The following KCNH8 variants were observed in gnomAD, a reference collection of about 807,000 sequenced individuals.
KCNH8 encodes the protein potassium voltage-gated channel subfamily H member 8.
Under a neutral mutation model 103.6 loss-of-function variants are expected in KCNH8, and 70 were observed. The observed-to-expected ratio is 0.68, with a 90% CI of 0.56 to 0.82. The LOEUF is 0.82. Among genes scored for constraint, KCNH8 ranks in the 40% least tolerant of loss-of-function variants. The probability of loss-of-function intolerance (pLI) is 0.00; values close to 1 mark genes in which losing one functional copy is unlikely to be tolerated. For synonymous variants in KCNH8, 498 were observed against 489.4 expected, an observed-to-expected ratio of 1.02 and a Z score of -0.23; for missense variants, 1,217 against 1,329.9, an observed-to-expected ratio of 0.92 and a Z score of 1.32.
chr3:19,332,896 G>T (rs528798316), intron 3 of KCNH8, among the ~76,000 whole-genome samples: 4 of 152,288 alleles, frequency 2.6e-5, no homozygotes, highest in African/African-American at 7.2e-5. Context: ...GCCTCCCAAA[G>T]TGCTGGGATT....
In KCNH8 at chr3:19,266,922, C is replaced by A. The variant is rs1354080519; in HGVS notation, c.310+13035C>A. ...TTTTCTCTCCTTAGAGAACATATTT[C>A]AATTCTCTGTCTTACACAGAGAGAG... On this transcript the variant is annotated intron_variant, in intron 2 of 15. Coordinates refer to ENST00000328405, the MANE Select transcript of KCNH8 (RefSeq NM_144633.3). Among the ~76,000 whole-genome samples, 3 of 152,024 alleles carry A rather than the reference C, an allele frequency of 2.0e-5. No homozygotes were observed. The East Asian group carries it at 5.8e-4, about 29-fold the overall frequency.
chr3:19,192,909 G>A (rs547846231), intron 1 of KCNH8, among the ~76,000 whole-genome samples: 1 of 151,652 alleles, frequency 6.6e-6, no homozygotes, highest in Admixed American at 6.6e-5. Context: ...TTTAGAAAAG[G>A]TCTACAAACT....
At chr3:19,389,784 T>G (rs918135449) in intron 5 of KCNH8, among the ~76,000 whole-genome samples, 2 of 152,024 alleles carry the variant, frequency 1.3e-5, no homozygotes, top group African/African-American at 4.8e-5. Context: ...TGTGCCAGTA[T>G]GCCCAGCTAA....
intron 3 of KCNH8, among the ~76,000 whole-genome samples, chr3:19,321,959 G>T (rs926114783): frequency 6.6e-6 from 1 of 151,838 alleles, no homozygotes; most frequent in African/African-American, 2.4e-5. Flanking sequence ...TTTAACTGCT[G>T]TTTCTTTAAA....
intron 7 of KCNH8, among the ~76,000 whole-genome samples, chr3:19,435,128 T>C (rs182528438): frequency 6.6e-6 from 1 of 152,304 alleles, no homozygotes; most frequent in African/African-American, 2.4e-5. Flanking sequence ...CGTATATGTA[T>C]ATCGAAACAT....
chr3:19,529,845 A>T (rs2069130107), intron 15 of KCNH8, among the ~76,000 whole-genome samples: 1 of 152,190 alleles, frequency 6.6e-6, no homozygotes, highest in African/African-American at 2.4e-5. Flanking sequence ...AGTGACAGGA[A>T]TCTTCCCTAA....
intron 5 of KCNH8, among the ~76,000 whole-genome samples, chr3:19,355,887 T>A (rs1468911138): frequency 2.7e-5 from 4 of 150,244 alleles, no homozygotes; most frequent in East Asian, 2.0e-4. Flanking sequence ...TATAATAAAA[T>A]ATATATATAT....
chr3:19,519,503 C>G (rs2068934825), intron 15 of KCNH8, among the ~76,000 whole-genome samples: 1 of 150,692 alleles, frequency 6.6e-6, no homozygotes, highest in Non-Finnish European at 1.5e-5. Context: ...CTCTCTGGAG[C>G]TGAGATTGTT....
At chr3:19,499,625 G>C (rs1455947548) in intron 11 of KCNH8, among the ~76,000 whole-genome samples, 1 of 152,118 alleles carries the variant, frequency 6.6e-6, no homozygotes, top group Non-Finnish European at 1.5e-5. Flanking sequence ...GAGAGTGGGG[G>C]CCAATATTCA....
At chr3:19,389,364 A>G (rs1366351737) in intron 5 of KCNH8, among the ~76,000 whole-genome samples, 14 of 152,140 alleles carry the variant, frequency 9.2e-5, no homozygotes, top group Admixed American at 9.2e-4. Context: ...ATCAGCACTC[A>G]GGAGGACCTC....
chr3:19,402,000 T>A (rs777389180), intron 7 of KCNH8, among the ~76,000 whole-genome samples: 2 of 151,900 alleles, frequency 1.3e-5, no homozygotes, highest in Non-Finnish European at 2.9e-5. Flanking sequence ...CACCACAGTT[T>A]CCAAATGTGT....
At chr3:19,338,251 T>A (rs1202229350) in intron 3 of KCNH8, among the ~76,000 whole-genome samples, 1 of 151,972 alleles carries the variant, frequency 6.6e-6, no homozygotes, top group African/African-American at 2.4e-5. Flanking sequence ...TCTTCTGGAC[T>A]TTCTTCAGTT....
chr3:19,369,212 T>C (rs1208582855), intron 5 of KCNH8, among the ~76,000 whole-genome samples: 1 of 152,020 alleles, frequency 6.6e-6, no homozygotes, highest in Non-Finnish European at 1.5e-5. Context: ...AGAAGAGTGT[T>C]CAGTCACTTG....
chr3:19,490,512 C>T (rs991802275), intron 11 of KCNH8, among the ~76,000 whole-genome samples: 1 of 152,138 alleles, frequency 6.6e-6, no homozygotes, highest in Non-Finnish European at 1.5e-5. Flanking sequence ...AGTGCTTTTC[C>T]ATACAATGTC....
At chr3:19,264,877 G>A (rs543804982) in intron 2 of KCNH8, among the ~76,000 whole-genome samples, 38 of 152,004 alleles carry the variant, frequency 2.5e-4, no homozygotes, top group African/African-American at 7.7e-4. Context: ...AAGTGGGAGG[G>A]CTGGGATCCA....
At chr3:19,302,529 A>G (rs983751729) in intron 3 of KCNH8, among the ~76,000 whole-genome samples, 1 of 152,202 alleles carries the variant, frequency 6.6e-6, no homozygotes, top group African/African-American at 2.4e-5. Context: ...TGAAGAAAAC[A>G]TTAAACGTCC....
chr3:19,463,040 T>A (rs1479820061), intron 11 of KCNH8, among the ~76,000 whole-genome samples: 1 of 152,182 alleles, frequency 6.6e-6, no homozygotes, highest in East Asian at 1.9e-4. Flanking sequence ...CATAACTCCC[T>A]AAACAATACA....
chr3:19,188,520 CTTG>C (rs2063523465), intron 1 of KCNH8, among the ~76,000 whole-genome samples: 1 of 151,942 alleles, frequency 6.6e-6, no homozygotes, highest in African/African-American at 2.4e-5. Flanking sequence ...TTTGCTAACT[CTTG>C]TTGTAGAACA....
intron 7 of KCNH8, among the ~76,000 whole-genome samples, chr3:19,436,069 A>G (rs1258956242): frequency 6.6e-6 from 1 of 152,158 alleles, no homozygotes; most frequent in East Asian, 1.9e-4. Flanking sequence ...CTGAATTATC[A>G]TGCTAATGAT....
Sources: gnomAD v4.1 joint callset for allele counts (sites outside exome capture counted in the v4.1 genomes callset) on GRCh38, gnomAD v4.1.1 for gene constraint, MANE v1.5 for transcripts, NCBI Gene and HGNC (gene_info 2026-07-23, HGNC 2026-07-21) for gene names.